Variants in PPM1B observed in about 807,000 individuals in gnomAD.
PPM1B encodes protein phosphatase 1B.
In PPM1B, 22 loss-of-function variants were observed where a neutral mutation model predicts 43.0. The ratio of observed to expected loss-of-function variants is 0.51; its 90% CI spans 0.37 to 0.73. The LOEUF is 0.73. PPM1B is among the 30% of genes least tolerant of loss of function. The probability of loss-of-function intolerance (pLI) is 0.00; values close to 1 mark genes in which losing one functional copy is unlikely to be tolerated. For missense variants in PPM1B, 632 were observed against 584.2 expected (o/e 1.08, Z -0.84); for synonymous variants, 217 against 197.9 (o/e 1.10, Z -0.81).
In PPM1B at chr2:44,175,978, G is replaced by T. The variant is rs571924555; in HGVS notation, c.-15+6704G>T. On this transcript the variant is annotated intron_variant, in intron 1 of 5. Coordinates refer to ENST00000282412, the MANE Select transcript of PPM1B (RefSeq NM_002706.6). ...TTTTTGTACTTTTAGTAGAGATGGGGTTTCACTATGTTGGTCATGCTGGTC... is the reference window on the plus strand; with the variant it reads ...TTTTTGTACTTTTAGTAGAGATGGGTTTTCACTATGTTGGTCATGCTGGTC... Among the ~76,000 whole-genome samples the T allele has an allele frequency of 7.9e-5, 12 of 152,128 alleles. No homozygotes were observed. In the East Asian group the frequency reaches 1.9e-3, roughly 25 times the overall value.
At chr2:44,183,857 G>C (rs1458782814) in intron 1 of PPM1B, among the ~76,000 whole-genome samples, 1 of 152,138 alleles carries the variant, frequency 6.6e-6, no homozygotes, top group Admixed American at 6.5e-5. Flanking sequence ...TCCTGCCTCA[G>C]CCTCCAGAGT....
chr2:44,212,014 T>G (rs1028520621), intron 3 of PPM1B, among the ~76,000 whole-genome samples: 6 of 152,312 alleles, frequency 3.9e-5, no homozygotes, highest in African/African-American at 1.4e-4. Context: ...CCTCCCAAAG[T>G]GCTGGGATTA....
chr2:44,223,380 T>G (rs955959493), intron 5 of PPM1B, among the ~76,000 whole-genome samples: 1 of 152,224 alleles, frequency 6.6e-6, no homozygotes, highest in African/African-American at 2.4e-5. Flanking sequence ...TGTTTTACTT[T>G]AAACGGATAA....
downstream of PPM1B, among the ~76,000 whole-genome samples, chr2:44,237,505 A>G (rs1335304279): frequency 1.3e-5 from 2 of 152,198 alleles, no homozygotes; most frequent in African/African-American, 4.8e-5. Context: ...ATGCTCTTCT[A>G]ATTCAGAGGT....
At chr2:44,223,018 G>T (rs1016547520) in intron 5 of PPM1B, among the ~76,000 whole-genome samples, 4 of 152,048 alleles carry the variant, frequency 2.6e-5, no homozygotes, top group African/African-American at 4.8e-5. Flanking sequence ...TTTTTGTAGG[G>T]ATAGGGTCTC....
chr2:44,176,884 G>A (rs150013571), intron 1 of PPM1B, among the ~76,000 whole-genome samples: 19 of 152,184 alleles, frequency 1.2e-4, no homozygotes, highest in African/African-American at 3.9e-4. Context: ...CAGTTCAAGC[G>A]ATTCTCCTGC....
chr2:44,234,691 C>G (rs766327649), downstream of PPM1B: 7 of 809,954 alleles, frequency 8.6e-6, no homozygotes, highest in African/African-American at 1.9e-5. Flanking sequence ...TGAGGACCCA[C>G]TTATACTCTT....
chr2:44,186,374 CT>C (rs1255889340), intron 1 of PPM1B, among the ~76,000 whole-genome samples: 3 of 152,060 alleles, frequency 2.0e-5, no homozygotes, highest in Non-Finnish European at 4.4e-5. Flanking sequence ...TGTGTACAAG[CT>C]TTTTTTCTTT....
intron 2 of PPM1B, among the ~76,000 whole-genome samples, chr2:44,203,280 A>G (rs1254894714): frequency 1.3e-5 from 2 of 152,160 alleles, no homozygotes; most frequent in Non-Finnish European, 2.9e-5. Context: ...AACACACTGT[A>G]TCTTTTTACT....
chr2:44,203,465 C>G (rs1259377825), intron 2 of PPM1B, among the ~76,000 whole-genome samples: 1 of 104,512 alleles, frequency 9.6e-6, no homozygotes, highest in Non-Finnish European at 2.3e-5. Context: ...CAGCATTTTC[C>G]CCAATTATAA....
intron 5 of PPM1B, among the ~76,000 whole-genome samples, chr2:44,241,619 C>G (rs1670745780): frequency 8.6e-6 from 1 of 116,330 alleles, no homozygotes; most frequent in East Asian, 2.8e-4. Flanking sequence ...GTAATCCCAG[C>G]TACCTGGGAG....
chr2:44,182,810 T>C (rs532263983), intron 1 of PPM1B, among the ~76,000 whole-genome samples: 1 of 152,292 alleles, frequency 6.6e-6, no homozygotes, highest in South Asian at 2.1e-4. Flanking sequence ...TCCTGAACTT[T>C]TAGGAAGGTA....
intron 5 of PPM1B, among the ~76,000 whole-genome samples, chr2:44,226,924 G>A (rs1670239665): frequency 7.8e-6 from 1 of 128,086 alleles, no homozygotes; most frequent in African/African-American, 2.8e-5. Context: ...AGATTAAAAT[G>A]GGAAACTTTT....
chr2:44,224,376 A>G (rs985047417), intron 5 of PPM1B, among the ~76,000 whole-genome samples: 2 of 150,952 alleles, frequency 1.3e-5, no homozygotes, highest in African/African-American at 4.9e-5. Context: ...AATGGCGTGA[A>G]CCCGGGAGGC....
rs1668909926 is a variant in PPM1B, at chr2:44,201,073, A to G, written c.-14-113A>G. ...GCTTTTGTTGTTGCTCCCGTAAATT[A>G]GGATAATACTAAAAAAAATACTTGA... On this transcript the variant is annotated intron_variant, in intron 1 of 5. Transcript: ENST00000282412. This position sits in a 1 kb window ranked among gnomAD's most constrained non-coding sequence, Gnocchi z 5.4. 1 of 1,125,882 alleles carries G rather than the reference A, an allele frequency of 8.9e-7. No individual in the cohort carries two copies. The highest frequency in any genetic ancestry group is 1.2e-6 in the Non-Finnish European group (1 of 820,854). The allele number at this position is 1,125,882 out of a possible 1,614,324, so 69.7% of individuals were successfully genotyped here. A position where few individuals can be genotyped will look rare whatever the true frequency, so the allele number is the denominator to read the frequency against.
chr2:44,231,865 A>G (rs968321999), downstream of PPM1B, among the ~76,000 whole-genome samples: 1 of 152,124 alleles, frequency 6.6e-6, no homozygotes, highest in Non-Finnish European at 1.5e-5. Context: ...GTTTAAAGGG[A>G]TTTTTAAATT....
downstream of PPM1B, among the ~76,000 whole-genome samples, chr2:44,246,268 C>G (rs1189514769): frequency 6.6e-6 from 1 of 152,160 alleles, no homozygotes; most frequent in Non-Finnish European, 1.5e-5. Context: ...TTTCTGGCAA[C>G]TGCATGATAC....
Position 44,197,048 on chromosome 2 carries a change from G to C in PPM1B, c.-14-4138G>C, listed in dbSNP as rs1261413766. Among the ~76,000 whole-genome samples, 3 of 152,122 alleles carry C rather than the reference G, an allele frequency of 2.0e-5. No individual in the cohort carries two copies. In the East Asian group the frequency reaches 5.8e-4, roughly 29 times the overall value. The stretch of plus-strand genomic sequence containing the variant: ...AACTTTTAATGTTGAAATAATTTCA[G>C]ATTTACAGAAAAGTTTGCAAAGGTA... On this transcript the variant is annotated intron_variant, in intron 1 of 5. Transcript: ENST00000282412.
intron 5 of PPM1B, chr2:44,229,940 A>G (rs200414960): frequency 4.8e-5 from 68 of 1,431,492 alleles, no homozygotes; most frequent in African/African-American, 2.6e-4. Flanking sequence ...AAATCTTTCA[A>G]AAATCTGTTT....
Sources: allele counts gnomAD v4.1 joint callset (sites outside exome capture counted in the v4.1 genomes callset), GRCh38; gene constraint gnomAD v4.1.1; non-coding constraint Gnocchi (gnomAD v3.1); transcripts MANE v1.5; gene names NCBI Gene and HGNC (gene_info 2026-07-23, HGNC 2026-07-21).